NTRK3: variants seen among roughly 807,000 people sequenced by gnomAD.
NTRK3 encodes the protein neurotrophic receptor tyrosine kinase 3, also known as NT-3 growth factor receptor.
A neutral mutation model predicts 91.7 loss-of-function variants in NTRK3; 24 were observed. The observed-to-expected ratio is 0.26, with a 90% CI of 0.19 to 0.37. The LOEUF is 0.37. Ranked by LOEUF, NTRK3 falls within the 10% of genes least tolerant of loss-of-function variation. NTRK3 has a pLI of 1.00. For missense variants in NTRK3, 880 were observed against 1,068.9 expected (o/e 0.82, Z 2.46); for synonymous variants, 483 against 404.0 (o/e 1.20, Z -2.34).
At chr15:88,056,196 ATATATATTTT>A (rs1476797436) in intron 13 of NTRK3, among the ~76,000 whole-genome samples, 49 of 100,448 alleles carry the variant, frequency 4.9e-4, no homozygotes, top group African/African-American at 1.5e-3. Flanking sequence ...ATATATATAT[ATATATATTTT>A]TTTTTTAATG....
At chr15:88,149,806 C>T (rs1408331872) in intron 5 of NTRK3, among the ~76,000 whole-genome samples, 1 of 152,230 alleles carries the variant, frequency 6.6e-6, no homozygotes. Flanking sequence ...GGATTTGGTA[C>T]TGCTCTGAGT....
intron 14 of NTRK3, among the ~76,000 whole-genome samples, chr15:88,025,684 T>G (rs1370980362): frequency 5.9e-5 from 9 of 152,204 alleles, no homozygotes; most frequent in Non-Finnish European, 1.3e-4. Flanking sequence ...GTCAACACCT[T>G]GATTTCAGAC....
At chr15:88,004,721 A>T (rs1326832578) in intron 14 of NTRK3, among the ~76,000 whole-genome samples, 2 of 152,208 alleles carry the variant, frequency 1.3e-5, no homozygotes, top group Non-Finnish European at 2.9e-5. Flanking sequence ...AGGATTTAGC[A>T]GGTGTGGGAG....
chr15:88,216,931 C>G (rs530918434), intron 3 of NTRK3, among the ~76,000 whole-genome samples: 1 of 152,240 alleles, frequency 6.6e-6, no homozygotes, highest in East Asian at 1.9e-4. Flanking sequence ...CCCAAAGTAC[C>G]AGGGACTGAA....
chr15:88,166,608 A>G (rs901413767), intron 5 of NTRK3, among the ~76,000 whole-genome samples: 3 of 152,204 alleles, frequency 2.0e-5, no homozygotes, highest in Non-Finnish European at 1.5e-5. Context: ...GTAAGCAAAA[A>G]TGGTAGTATC....
At position 88,209,048 on chromosome 15, in the gene NTRK3, T is replaced by C. The variant is rs115538972; in HGVS notation, c.249-24749A>G. On this transcript the variant is annotated intron_variant, in intron 3 of 18. Transcript: ENST00000394480. ...ATAAGGGAAATAAATCTATGTGTAATTATAATGGAAAAACTACTATTAGGC... is the reference window on the plus strand; with the variant it reads ...ATAAGGGAAATAAATCTATGTGTAACTATAATGGAAAAACTACTATTAGGC... 2.3e-3 allele frequency among the ~76,000 whole-genome samples: 348 copies of C among 152,282 alleles called. 2 individuals are homozygous for C. Among genetic ancestry groups the C allele is most frequent in the African/African-American group, 7.9e-3 (328 of 41,566 alleles).
At chr15:87,908,480 C>A in intron 17 of NTRK3, 1 of 399,956 alleles carries the variant, frequency 2.5e-6, no homozygotes, top group Non-Finnish European at 4.4e-6. Context: ...AAATCAAATC[C>A]AGACTCACTG....
chr15:88,109,066 T>G (rs2051031683), intron 13 of NTRK3, among the ~76,000 whole-genome samples: 3 of 152,212 alleles, frequency 2.0e-5, no homozygotes, highest in Non-Finnish European at 4.4e-5. Flanking sequence ...AATGCTCCCA[T>G]TTCTAGTCAG....
At chr15:88,197,116 A>C (rs1040048174) in intron 3 of NTRK3, among the ~76,000 whole-genome samples, 3 of 129,870 alleles carry the variant, frequency 2.3e-5, no homozygotes, top group South Asian at 2.2e-4. Context: ...AAAAAAAAAA[A>C]AAAAAAAAAA....
At chr15:88,017,569 T>G (rs972484483) in intron 14 of NTRK3, among the ~76,000 whole-genome samples, 1 of 152,190 alleles carries the variant, frequency 6.6e-6, no homozygotes, top group Non-Finnish European at 1.5e-5. Context: ...TTGCAGTGGT[T>G]GGTTCAACCA....
chr15:88,089,361 A>G (rs1173395170), intron 13 of NTRK3, among the ~76,000 whole-genome samples: 1 of 152,218 alleles, frequency 6.6e-6, no homozygotes, highest in Non-Finnish European at 1.5e-5. Flanking sequence ...ACCCAGGGAA[A>G]TAATCAGAGA....
intron 13 of NTRK3, among the ~76,000 whole-genome samples, chr15:88,054,721 T>C (rs1172772736): frequency 6.6e-6 from 1 of 152,040 alleles, no homozygotes; most frequent in Non-Finnish European, 1.5e-5. Flanking sequence ...CAGTGGGTTA[T>C]ATAGAAATGC....
At chr15:87,909,613 G>A (rs1347317678) in intron 17 of NTRK3, among the ~76,000 whole-genome samples, 7 of 152,190 alleles carry the variant, frequency 4.6e-5, no homozygotes, top group Non-Finnish European at 1.0e-4. Context: ...AAGAGAAGGT[G>A]TGATGGACTG....
In NTRK3 at chr15:87,903,864, A is replaced by C. The variant is rs143169753; in HGVS notation, c.2134-23436T>G. The stretch of plus-strand genomic sequence containing the variant: ...AACTACATTGGTGTTTGACTTTGGG[A>C]AAGTCCTAGTGGGTTTTAGAATAAT... On this transcript the variant is annotated intron_variant, in intron 17 of 18. Coordinates refer to ENST00000394480, the Ensembl canonical transcript of NTRK3. 9.3e-4 allele frequency among the ~76,000 whole-genome samples: 142 copies of C among 152,316 alleles called. 1 individual carries two copies. The highest frequency in any genetic ancestry group is 2.8e-4 in the Non-Finnish European group (19 of 68,026).
intron 5 of NTRK3, among the ~76,000 whole-genome samples, chr15:88,173,245 A>C (rs2045689613): frequency 6.6e-6 from 1 of 152,172 alleles, no homozygotes; most frequent in African/African-American, 2.4e-5. Context: ...CAGATGTTGA[A>C]GTTGCGCACA....
exon 19 of NTRK3, chr15:87,860,302 A>G (rs2064490097): frequency 4.7e-6 from 1 of 212,832 alleles, no homozygotes; most frequent in Non-Finnish European, 9.5e-6. Context: ...ATCCTTTTGT[A>G]TTAAACATAA....
rs1425127185 is a variant in NTRK3 at position 88,243,186 on chromosome 15, C to A, written c.248+12720G>T. ...CCAAGAGAATAAAATTGCACCCCTC[C>A]TCCACGCCCTTGCCCCCTCCCCACT... On this transcript the variant is annotated intron_variant, in intron 3 of 18. Transcript: ENST00000394480. This position sits in a 1 kb window ranked among gnomAD's most constrained non-coding sequence, Gnocchi z 4.8. Among the ~76,000 whole-genome samples the A allele has an allele frequency of 6.6e-6, 1 of 152,194 alleles. No homozygotes were observed. The highest frequency in any genetic ancestry group is 6.5e-5 in the Admixed American group (1 of 15,290).
intron 14 of NTRK3, among the ~76,000 whole-genome samples, chr15:87,991,819 G>C (rs1319342952): frequency 6.6e-6 from 1 of 152,110 alleles, no homozygotes; most frequent in African/African-American, 2.4e-5. Context: ...AAAGTTGAGA[G>C]ATAGTAACTT....
chr15:87,984,842 G>A (rs2074602942), intron 14 of NTRK3, among the ~76,000 whole-genome samples: 2 of 152,280 alleles, frequency 1.3e-5, no homozygotes, highest in East Asian at 1.9e-4. Flanking sequence ...TATACGAGGT[G>A]TGTGAGTGTG....
Sources: gnomAD v4.1 joint callset for allele counts (sites outside exome capture counted in the v4.1 genomes callset) on GRCh38, gnomAD v4.1.1 for gene constraint, Gnocchi (gnomAD v3.1) non-coding constraint, MANE v1.5 for transcripts, NCBI Gene and HGNC (gene_info 2026-07-23, HGNC 2026-07-21) for gene names.